The following ZNF143 variants were observed in gnomAD, a reference collection of about 807,000 sequenced individuals.
The protein encoded by ZNF143 is zinc finger protein 143, also known as SPH-binding factor.
A neutral mutation model predicts 74.1 loss-of-function variants in ZNF143; 49 were observed. The ratio of observed to expected loss-of-function variants is 0.66; its 90% CI spans 0.53 to 0.84. ZNF143 has a LOEUF of 0.84. Among genes scored for constraint, ZNF143 ranks in the 40% least tolerant of loss-of-function variants. ZNF143 has a pLI of 0.00. For missense variants in ZNF143, 637 were observed against 793.4 expected (o/e 0.80, Z 2.37); for synonymous variants, 304 against 282.8 (o/e 1.07, Z -0.75).
rs1385413111 is a variant in ZNF143 at position 9,478,348 on chromosome 11, A to G, written c.374-42A>G. The G allele has an allele frequency of 6.9e-6, 11 of 1,586,688 alleles. No individual in the cohort carries two copies. The South Asian group carries it at 1.2e-4, about 18-fold the overall frequency. The stretch of plus-strand genomic sequence containing the variant: ...CTTTAAATATGTAAATATTTGTCAG[A>G]TTTTACCTTTAATTTAATGGCATTC... On this transcript the variant is annotated intron_variant, in intron 5 of 15. Transcript: ENST00000396602.
chr11:9,480,199 C>G (rs1039556511), intron 7 of ZNF143, among the ~76,000 whole-genome samples: 1 of 152,142 alleles, frequency 6.6e-6, no homozygotes. Context: ...ACAAAGTAGT[C>G]CCAGGTGCAT....
At chr11:9,466,904 G>A (rs1056731121) in intron 1 of ZNF143, among the ~76,000 whole-genome samples, 1 of 151,278 alleles carries the variant, frequency 6.6e-6, no homozygotes, top group South Asian at 2.1e-4. Flanking sequence ...GTGTGTGTGT[G>A]TTTTTTTGAC....
intron 1 of ZNF143, among the ~76,000 whole-genome samples, chr11:9,468,202 T>G (rs555149865): frequency 6.6e-6 from 1 of 152,326 alleles, no homozygotes; most frequent in Admixed American, 6.5e-5. Context: ...TGTCCATTAG[T>G]GCTACTTTAT....
At chr11:9,517,483 T>C (rs1288333944) in intron 14 of ZNF143, among the ~76,000 whole-genome samples, 2 of 152,164 alleles carry the variant, frequency 1.3e-5, no homozygotes, top group South Asian at 2.1e-4. Flanking sequence ...GTATTCGTAA[T>C]TGTGATCAGT....
intron 10 of ZNF143, among the ~76,000 whole-genome samples, chr11:9,498,332 G>A (rs529654080): frequency 1.3e-5 from 2 of 152,328 alleles, no homozygotes; most frequent in East Asian, 3.9e-4. Context: ...ATTAACAGTG[G>A]CCCTAGACCA....
intron 9 of ZNF143, 84 bp downstream of exon 9, chr11:9,496,462 C>G: frequency 8.6e-7 from 1 of 1,156,628 alleles, no homozygotes; most frequent in East Asian, 2.4e-5. Flanking sequence ...GACCCCTTGG[C>G]TGTGTCTGAA....
chr11:9,525,605 C>G, intron 15 of ZNF143: 1 of 578,620 alleles, frequency 1.7e-6, no homozygotes, highest in Non-Finnish European at 3.0e-6. Flanking sequence ...GAATTTATAG[C>G]AAGAAAAAAA....
At position 9,528,231 on chromosome 11, in the gene ZNF143, C is replaced by A. The variant is rs543041199; in HGVS notation, c.*618C>A. On this transcript the variant is annotated 3_prime_UTR_variant, in exon 16 of 16. Coordinates refer to ENST00000396602, the MANE Select transcript of ZNF143 (RefSeq NM_003442.6). Reference sequence around the variant, plus strand: ...TATTGGCATTACATTGAATTATGTACAAAATTATAAAATTTGGTTATTTAA... The same window carrying A: ...TATTGGCATTACATTGAATTATGTAAAAAATTATAAAATTTGGTTATTTAA... 4.6e-5 allele frequency: 7 copies of A among 152,366 alleles called. No individual in the cohort carries two copies. The South Asian group carries it at 1.5e-3, about 32-fold the overall frequency. The allele number at this position is 152,366 out of a possible 1,614,324, so 9.4% of individuals were successfully genotyped here. A position where few individuals can be genotyped will look rare whatever the true frequency, so the allele number is the denominator to read the frequency against.
chr11:9,516,786 T>C (rs933756435), intron 14 of ZNF143, among the ~76,000 whole-genome samples: 1 of 152,220 alleles, frequency 6.6e-6, no homozygotes, highest in African/African-American at 2.4e-5. Context: ...ACCCCTGCCT[T>C]CATCAACTTG....
At chr11:9,523,510 G>T (rs1199505025) in intron 14 of ZNF143, among the ~76,000 whole-genome samples, 1 of 151,906 alleles carries the variant, frequency 6.6e-6, no homozygotes, top group African/African-American at 2.4e-5. Context: ...GAGGCGGGCG[G>T]ATCACGAGGT....
intron 12 of ZNF143, among the ~76,000 whole-genome samples, chr11:9,511,750 C>CTTTTT (rs1254769544): frequency 1.0e-4 from 12 of 120,188 alleles, no homozygotes; most frequent in African/African-American, 3.1e-4. Flanking sequence ...CCTTTAACAG[C>CTTTTT]TTTTTTTTTT....
intron 7 of ZNF143, 47 bp from the exon 8 acceptor site, chr11:9,494,599 C>T (rs1847896225): frequency 6.3e-7 from 1 of 1,580,392 alleles, no homozygotes; most frequent in Non-Finnish European, 8.6e-7. Flanking sequence ...GCATGAGCCA[C>T]TGTGCCTGGC....
At chr11:9,477,416 A>G (rs1185923268) in intron 5 of ZNF143, among the ~76,000 whole-genome samples, 1 of 151,548 alleles carries the variant, frequency 6.6e-6, no homozygotes, top group Non-Finnish European at 1.5e-5. Flanking sequence ...CACCATGCCC[A>G]GCTATTTTTT....
rs1000691356 is a variant in ZNF143 at position 9,496,193 on chromosome 11, A to T, written c.766-110A>T. The stretch of plus-strand genomic sequence containing the variant: ...GAAGTTATCTTTTTTATAAGAAAAA[A>T]GCATACAACAAAATCATTTAGCAGT... On this transcript the variant is annotated intron_variant, in intron 8 of 15. Transcript: ENST00000396602. 4.8e-5 allele frequency: 42 copies of T among 879,022 alleles called. No individual in the cohort carries two copies. In the African/African-American group the frequency reaches 6.7e-4, roughly 14 times the overall value. 54.5% of individuals were successfully genotyped at this position (879,022 alleles called of 1,614,324 possible).
At chr11:9,486,404 A>ATATATAATATATATAATATAT (rs1847514064) in intron 7 of ZNF143, among the ~76,000 whole-genome samples, 5 of 22,374 alleles carry the variant, frequency 2.2e-4, no homozygotes, top group African/African-American at 9.4e-4. Flanking sequence ...ATAATATATT[A>ATATATAATATATATAATATAT]TATATATAAT....
chr11:9,486,563 T>C (rs1847559641), intron 7 of ZNF143, among the ~76,000 whole-genome samples: 1 of 137,168 alleles, frequency 7.3e-6, no homozygotes, highest in Non-Finnish European at 1.5e-5. Flanking sequence ...AGTTCCTTTT[T>C]CTGTGTGTTT....
intron 1 of ZNF143, chr11:9,461,836 C>A (rs541723085): frequency 6.6e-6 from 1 of 152,144 alleles, no homozygotes; most frequent in South Asian, 2.1e-4. Context: ...CACATAATAA[C>A]GAAGTTAAAA....
At chr11:9,473,105 T>C (rs1856681090) in intron 3 of ZNF143, among the ~76,000 whole-genome samples, 1 of 151,970 alleles carries the variant, frequency 6.6e-6, no homozygotes, top group Non-Finnish European at 1.5e-5. Context: ...GTAAAGACAT[T>C]TGGGGCCGGG....
chr11:9,485,536 C>T (rs1330137130), intron 7 of ZNF143, among the ~76,000 whole-genome samples: 4 of 151,082 alleles, frequency 2.6e-5, no homozygotes, highest in African/African-American at 9.9e-5. Context: ...TTAGTAGAGA[C>T]AAGGTTTTGC....
Sources: gnomAD v4.1 joint callset for allele counts (sites outside exome capture counted in the v4.1 genomes callset) on GRCh38, gnomAD v4.1.1 for gene constraint, MANE v1.5 for transcripts, NCBI Gene and HGNC (gene_info 2026-07-23, HGNC 2026-07-21) for gene names.